The following PPARGC1A variants were observed in gnomAD, a reference collection of about 807,000 sequenced individuals.
The protein encoded by PPARGC1A is PPARG coactivator 1 alpha.
PPARGC1A carries 25 observed loss-of-function variants against 88.7 expected under a neutral mutation model. The observed-to-expected ratio is 0.28, with a 90% CI of 0.21 to 0.39. The LOEUF is 0.39. Ranked by LOEUF, PPARGC1A falls within the 10% of genes least tolerant of loss-of-function variation. The probability of loss-of-function intolerance (pLI) is 1.00; values close to 1 mark genes in which losing one functional copy is unlikely to be tolerated. For synonymous variants in PPARGC1A, 363 were observed against 355.6 expected (o/e 1.02, Z -0.24); for missense variants, 880 against 968.7 (o/e 0.91, Z 1.22).
At chr4:24,326,149 C>A in the PPARGC1A span, among the ~76,000 whole-genome samples, 1 of 152,074 alleles carries the variant, frequency 6.6e-6, no homozygotes, top group Non-Finnish European at 1.5e-5. Context: ...ATCATGCACC[C>A]CTTACCATCT....
the PPARGC1A span, among the ~76,000 whole-genome samples, chr4:24,155,042 G>A: frequency 6.6e-6 from 1 of 152,018 alleles, no homozygotes; most frequent in African/African-American, 2.4e-5. Flanking sequence ...TTTGCTCAGG[G>A]AAGAGCTAGG....
the PPARGC1A span, among the ~76,000 whole-genome samples, chr4:24,466,702 G>C: frequency 6.6e-6 from 1 of 151,906 alleles, no homozygotes; most frequent in Non-Finnish European, 1.5e-5. Context: ...GGAGGCCGAG[G>C]TCAGGAGTTC....
chr4:24,348,589 A>G, the PPARGC1A span, among the ~76,000 whole-genome samples: 1 of 152,046 alleles, frequency 6.6e-6, no homozygotes, highest in African/African-American at 2.4e-5. Flanking sequence ...CTGGTTGTTC[A>G]ATTCTATTGC....
At chr4:24,071,326 T>C in the PPARGC1A span, among the ~76,000 whole-genome samples, 6 of 152,174 alleles carry the variant, frequency 3.9e-5, no homozygotes, top group African/African-American at 1.4e-4. Context: ...CCACCAATAC[T>C]CTGTTTCCTC....
rs372840138 is a variant in PPARGC1A at position 23,829,540 on chromosome 4, T to C, written c.475A>G (p.Asn159Asp). ...LAPANTQLSY[N>D]ECSGLSTQNH... ...TGGGTACTGAGACCACTGCATTCAT[T>C]ATAACTTAGCTGAGTGTTGGCTGGT... is the stretch of plus-strand genomic sequence containing the variant. The change falls in exon 4 of 13, where the codon AAT becomes GAT. Residue 159 changes from asparagine (N) to aspartate (D), a missense_variant. Transcript: ENST00000264867. 7 of 1,613,382 alleles carry C rather than the reference T, an allele frequency of 4.3e-6. No individual in the cohort carries two copies. The highest frequency in any genetic ancestry group is 2.7e-5 in the African/African-American group (2 of 74,930).
the PPARGC1A span, among the ~76,000 whole-genome samples, chr4:23,964,564 C>T: frequency 6.6e-6 from 1 of 152,192 alleles, no homozygotes; most frequent in East Asian, 1.9e-4. Context: ...GTAAAAATGG[C>T]TAATATGCAG....
At chr4:24,050,352 C>T in the PPARGC1A span, among the ~76,000 whole-genome samples, 22 of 151,888 alleles carry the variant, frequency 1.4e-4, no homozygotes, top group African/African-American at 4.1e-4. Flanking sequence ...CCCATCACCA[C>T]GCCCAGCTAA....
At chr4:23,867,139 C>T (rs1432986482) in intron 2 of PPARGC1A, among the ~76,000 whole-genome samples, 2 of 152,164 alleles carry the variant, frequency 1.3e-5, no homozygotes, top group Non-Finnish European at 1.5e-5. Flanking sequence ...CAAATTTCCT[C>T]TCTTCTCACC....
At chr4:23,975,369 A>G in the PPARGC1A span, among the ~76,000 whole-genome samples, 2 of 152,094 alleles carry the variant, frequency 1.3e-5, no homozygotes, top group Non-Finnish European at 2.9e-5. Context: ...AATGAGTTGA[A>G]CTATGGAAGG....
At chr4:24,296,081 CAT>C in the PPARGC1A span, among the ~76,000 whole-genome samples, 1 of 149,364 alleles carries the variant, frequency 6.7e-6, no homozygotes, top group African/African-American at 2.5e-5. Flanking sequence ...TATATATGTA[CAT>C]ATATACACAC....
At chr4:23,949,498 G>A in the PPARGC1A span, among the ~76,000 whole-genome samples, 1 of 152,096 alleles carries the variant, frequency 6.6e-6, no homozygotes, top group African/African-American at 2.4e-5. Flanking sequence ...ATCGAGAGAA[G>A]GAACATTGAC....
At chr4:24,388,087 C>G in the PPARGC1A span, among the ~76,000 whole-genome samples, 1 of 151,282 alleles carries the variant, frequency 6.6e-6, no homozygotes. Flanking sequence ...TGCAATCTAT[C>G]CATCTGACAA....
intron 2 of PPARGC1A, among the ~76,000 whole-genome samples, chr4:23,862,727 A>G (rs141809667): frequency 5.5e-4 from 84 of 152,350 alleles, no homozygotes; most frequent in Non-Finnish European, 1.0e-3. Context: ...TAGTATTATT[A>G]TTATTGGCAA....
the PPARGC1A span, among the ~76,000 whole-genome samples, chr4:24,292,571 C>A: frequency 8.3e-4 from 89 of 107,340 alleles, no homozygotes; most frequent in African/African-American, 3.1e-3. Context: ...TACTGCCTCA[C>A]CCCCACCCCT....
chr4:24,424,099 A>G, the PPARGC1A span, among the ~76,000 whole-genome samples: 1 of 152,094 alleles, frequency 6.6e-6, no homozygotes, highest in South Asian at 2.1e-4. Flanking sequence ...AAAGACAAAA[A>G]TATTCTAAAA....
chr4:23,820,177 G>C (rs760338676), intron 7 of PPARGC1A, among the ~76,000 whole-genome samples: 11 of 151,986 alleles, frequency 7.2e-5, no homozygotes, highest in Non-Finnish European at 1.2e-4. Flanking sequence ...AAAGCGTAGA[G>C]AAAAAATTAA....
At chr4:23,911,929 A>T in the PPARGC1A span, among the ~76,000 whole-genome samples, 1 of 152,306 alleles carries the variant, frequency 6.6e-6, no homozygotes, top group Non-Finnish European at 1.5e-5. Flanking sequence ...ACCTGTTTTT[A>T]TAAAGGTGTG....
At chr4:24,326,087 T>C in the PPARGC1A span, among the ~76,000 whole-genome samples, 4 of 152,040 alleles carry the variant, frequency 2.6e-5, no homozygotes, top group South Asian at 4.2e-4. Flanking sequence ...TCTTGTATTC[T>C]CCCACCTTAA....
At chr4:24,202,767 G>C in the PPARGC1A span, among the ~76,000 whole-genome samples, 4 of 152,078 alleles carry the variant, frequency 2.6e-5, no homozygotes, top group Non-Finnish European at 4.4e-5. Flanking sequence ...TCTTGCCACT[G>C]TCTCTCTCAA....
Sources: gnomAD v4.1 joint callset for allele counts (sites outside exome capture counted in the v4.1 genomes callset) on GRCh38, gnomAD v4.1.1 for gene constraint, MANE v1.5 for transcripts, NCBI Gene and HGNC (gene_info 2026-07-23, HGNC 2026-07-21) for gene names.